FMNL3: variants seen among roughly 807,000 people sequenced by gnomAD.
The protein encoded by FMNL3 is formin-like protein 3.
A neutral mutation model predicts 119.6 loss-of-function variants in FMNL3; 57 were observed. The observed-to-expected ratio is 0.48, with a 90% confidence interval of 0.39 to 0.59. FMNL3 has a LOEUF of 0.59. Ranked by LOEUF, FMNL3 falls within the 20% of genes least tolerant of loss-of-function variation. FMNL3 has a pLI of 0.00. For synonymous variants in FMNL3, 491 were observed against 507.3 expected (o/e 0.97, Z 0.43); for missense variants, 1,053 against 1,323.5 (o/e 0.80, Z 3.17).
At position 49,638,213 on chromosome 12, in the gene FMNL3, T is replaced by C. The variant is rs117082237; in HGVS notation, c.*7602A>G. 3.2e-5 allele frequency: 6 copies of C among 185,940 alleles called. No homozygotes were observed. In the East Asian group the frequency reaches 8.9e-4, roughly 27 times the overall value. 11.5% of individuals were successfully genotyped at this position (185,940 alleles called of 1,614,324 possible). ...TCTGAGGAGGAAGAAGCATAGCTAA[T>C]TGTAAACTGGTAGCACACAGATTGT... is the stretch of plus-strand genomic sequence containing the variant. On this transcript the variant is annotated 3_prime_UTR_variant, in exon 26 of 26. Coordinates refer to ENST00000335154, the MANE Select transcript of FMNL3 (RefSeq NM_175736.5).
chr12:49,669,831 C>CAACAA (rs58452472), intron 1 of FMNL3, among the ~76,000 whole-genome samples: 58,920 of 147,530 alleles, frequency 0.4, 12,108 homozygotes, highest in East Asian at 0.62. Flanking sequence ...GATTCTATCT[C>CAACAA]AACAAAACAA....
At chr12:49,666,072 A>C (rs1359584715) in intron 3 of FMNL3, 55 bp downstream of exon 3, 8 of 1,580,664 alleles carry the variant, frequency 5.1e-6, no homozygotes, top group Non-Finnish European at 6.9e-6. Flanking sequence ...TTGCCCCCAA[A>C]CCCCACAGGA....
chr12:49,656,945 G>A, intron 7 of FMNL3, 46 bp from the exon 8 acceptor site: 1 of 1,566,258 alleles, frequency 6.4e-7, no homozygotes, highest in Non-Finnish European at 8.8e-7. Flanking sequence ...GGTGGGGAAG[G>A]GGGAGCCCAG....
intron 1 of FMNL3, among the ~76,000 whole-genome samples, chr12:49,683,131 A>G (rs1024405967): frequency 6.6e-6 from 1 of 152,162 alleles, no homozygotes; most frequent in Non-Finnish European, 1.5e-5. Flanking sequence ...GTGACCTTAC[A>G]TAAGTCCTAG....
rs1941945615 is a variant in FMNL3 at position 49,637,194 on chromosome 12, T to TG, written c.*8620dup. On this transcript the variant is annotated 3_prime_UTR_variant, in exon 26 of 26. Coordinates refer to ENST00000335154, the MANE Select transcript of FMNL3 (RefSeq NM_175736.5). ...TTGGGGGTGGCAGTGGTGGTGGTAG[T>TG]GCTAGGGGTTACTGCAGGCAGGTTT... 1 of 574,842 alleles carries TG rather than the reference T, an allele frequency of 1.7e-6. No homozygotes were observed. Among genetic ancestry groups the TG allele is most frequent in the Non-Finnish European group, 3.1e-6 (1 of 322,796 alleles). The allele number at this position is 574,842 out of a possible 1,614,324, so 35.6% of individuals were successfully genotyped here. A position where few individuals can be genotyped will look rare whatever the true frequency, so the allele number is the denominator to read the frequency against.
In FMNL3 at chr12:49,648,258, G is replaced by A. The variant is rs755848379; in HGVS notation, c.2611C>T (p.Arg871Trp). Residue 871 changes from arginine (R) to tryptophan (W), a missense_variant, in exon 22 of 26, where the codon CGG becomes TGG. This residue lies in a region of FMNL3 where 324 missense variants were observed against 380.9 expected (regional missense o/e 0.85). Coordinates refer to ENST00000335154, the MANE Select transcript of FMNL3 (RefSeq NM_175736.5). ...ECSIHDNSVLRNFLSTNEGKL... is the reference protein window; with the variant it reads ...ECSIHDNSVLWNFLSTNEGKL... ...CCTTCATTGGTACTGAGGAAGTTCC[G>A]GAGGACGCTGTTGTCATGGATGCTG... 2.0e-5 allele frequency: 32 copies of A among 1,613,878 alleles called. No homozygotes were observed. The Admixed American group carries it at 2.7e-4, about 13-fold the overall frequency.
At chr12:49,687,197 G>T (rs1944488275) in intron 1 of FMNL3, among the ~76,000 whole-genome samples, 1 of 151,122 alleles carries the variant, frequency 6.6e-6, no homozygotes, top group Non-Finnish European at 1.5e-5. Context: ...GGGTTCAAGT[G>T]ATTCTGCTGC....
intron 5 of FMNL3, chr12:49,661,763 C>T: frequency 1.7e-6 from 1 of 585,768 alleles, no homozygotes. Context: ...TCTTCTACTC[C>T]AGCCAAGTGC....
At chr12:49,691,972 T>C (rs1420642507) in intron 1 of FMNL3, among the ~76,000 whole-genome samples, 1 of 143,040 alleles carries the variant, frequency 7.0e-6, no homozygotes. Flanking sequence ...GAGGTGGAGG[T>C]TGCAGTGAAC....
chr12:49,684,885 A>C (rs2138966919), intron 1 of FMNL3, among the ~76,000 whole-genome samples: 1 of 152,312 alleles, frequency 6.6e-6, no homozygotes, highest in South Asian at 2.1e-4. Context: ...AAACAAAATA[A>C]CCACAACCAC....
At chr12:49,682,110 G>A (rs574085263) in intron 1 of FMNL3, among the ~76,000 whole-genome samples, 14 of 144,284 alleles carry the variant, frequency 9.7e-5, no homozygotes, top group East Asian at 4.0e-4. Flanking sequence ...TCACTCTGTC[G>A]CCCAGGCTGG....
intron 1 of FMNL3, among the ~76,000 whole-genome samples, chr12:49,700,530 C>G (rs1482622419): frequency 6.7e-6 from 1 of 148,816 alleles, no homozygotes; most frequent in African/African-American, 2.5e-5. Context: ...GCCTGGCCAA[C>G]GTGGCAAAAA....
chr12:49,691,794 T>C (rs997278674), intron 1 of FMNL3, among the ~76,000 whole-genome samples: 1 of 151,882 alleles, frequency 6.6e-6, no homozygotes, highest in South Asian at 2.1e-4. Context: ...AGCACTTTGG[T>C]AGGCCAAGAC....
chr12:49,706,368 G>A (rs1687578648), intron 1 of FMNL3, among the ~76,000 whole-genome samples: 1 of 152,156 alleles, frequency 6.6e-6, no homozygotes, highest in African/African-American at 2.4e-5. Flanking sequence ...GGAGGAGGCG[G>A]GATGGTTTGT....
chr12:49,678,207 G>A (rs979323287), intron 1 of FMNL3, among the ~76,000 whole-genome samples: 3 of 151,240 alleles, frequency 2.0e-5, no homozygotes, highest in African/African-American at 7.3e-5. Flanking sequence ...GCCCAGGCTG[G>A]AGTGCAGTGG....
In FMNL3 at chr12:49,654,793, GA is replaced by G. The variant is rs1943519506; in HGVS notation, c.960+116del. On this transcript the variant is annotated intron_variant, in intron 10 of 25. Transcript: ENST00000335154. Reference sequence around the variant, plus strand: ...GTGGACAAGAAGCATTTGCTGAATAGAATCATTCTGGGCTCTACGTGGAATA... The same window carrying G: ...GTGGACAAGAAGCATTTGCTGAATAGATCATTCTGGGCTCTACGTGGAATA... 16 of 982,772 alleles carry G rather than the reference GA, an allele frequency of 1.6e-5. No homozygotes were observed. In the East Asian group the frequency reaches 3.9e-4, roughly 24 times the overall value. 60.9% of individuals were successfully genotyped at this position (982,772 alleles called of 1,614,324 possible).
At chr12:49,652,858 C>G (rs1173012925) in intron 13 of FMNL3, among the ~76,000 whole-genome samples, 1 of 152,150 alleles carries the variant, frequency 6.6e-6, no homozygotes, top group Admixed American at 6.5e-5. Context: ...CATCCTAATA[C>G]ACAGAGCACT....
intron 5 of FMNL3, among the ~76,000 whole-genome samples, chr12:49,658,979 CA>C (rs1943657393): frequency 6.6e-6 from 1 of 152,224 alleles, no homozygotes; most frequent in South Asian, 2.1e-4. Flanking sequence ...TGTGGCTCCC[CA>C]TGAAGAATCT....
At chr12:49,699,039 T>C (rs777767296) in intron 1 of FMNL3, among the ~76,000 whole-genome samples, 1 of 152,244 alleles carries the variant, frequency 6.6e-6, no homozygotes, top group Non-Finnish European at 1.5e-5. Flanking sequence ...TTTAAAGTCA[T>C]TTCCGAACCG....
Sources: gnomAD v4.1 joint callset for allele counts (sites outside exome capture counted in the v4.1 genomes callset) on GRCh38, gnomAD v4.1.1 for gene constraint, gnomAD v4.1.1 regional missense constraint, MANE v1.5 for transcripts, NCBI Gene and HGNC (gene_info 2026-07-23, HGNC 2026-07-21) for gene names.